Variants in B4GALT6 observed in about 807,000 individuals in gnomAD.
B4GALT6 encodes the protein beta-1,4-galactosyltransferase 6.
B4GALT6 carries 14 observed loss-of-function variants against 46.3 expected under a neutral mutation model. That is an observed-to-expected ratio of 0.30 (90% CI 0.20 to 0.47). The LOEUF is 0.47. Ranked by LOEUF, B4GALT6 falls within the 20% of genes least tolerant of loss-of-function variation. The pLI, the probability that B4GALT6 is intolerant of heterozygous loss-of-function variation, is 0.99. For missense variants in B4GALT6, 386 were observed against 480.1 expected, an observed-to-expected ratio of 0.80 and a Z score of 1.83; for synonymous variants, 168 against 162.0, an observed-to-expected ratio of 1.04 and a Z score of -0.28.
intron 4 of B4GALT6, among the ~76,000 whole-genome samples, chr18:31,642,950 CT>C (rs1431708063): frequency 6.6e-6 from 1 of 152,180 alleles, no homozygotes; most frequent in East Asian, 1.9e-4. Context: ...CATCAACTAA[CT>C]GCATTGGTAT....
chr18:31,684,610 G>T (rs1450400623), upstream of B4GALT6: 3 of 1,347,394 alleles, frequency 2.2e-6, no homozygotes, highest in Admixed American at 2.9e-5. Flanking sequence ...CGGAATGAAT[G>T]GGAGGCCAGA....
intron 4 of B4GALT6, among the ~76,000 whole-genome samples, chr18:31,641,387 G>C (rs1034177338): frequency 6.6e-6 from 1 of 152,204 alleles, no homozygotes; most frequent in South Asian, 2.1e-4. Flanking sequence ...AAATTTTAAT[G>C]AGAGGGTTAT....
At chr18:31,718,094 T>C in the B4GALT6 span, among the ~76,000 whole-genome samples, 1 of 152,220 alleles carries the variant, frequency 6.6e-6, no homozygotes, top group Non-Finnish European at 1.5e-5. Context: ...ACAGAAATCA[T>C]TAAGATAGTT....
Position 31,678,559 on chromosome 18 carries a change from T to G in B4GALT6, c.115+5753A>C, listed in dbSNP as rs192491626. Among the ~76,000 whole-genome samples the G allele has an allele frequency of 5.9e-3, 902 of 152,332 alleles. 6 individuals carry two copies. The highest frequency in any genetic ancestry group is 8.3e-3 in the Non-Finnish European group (565 of 68,024). On this transcript the variant is annotated intron_variant, in intron 1 of 8. Coordinates refer to ENST00000306851, the MANE Select transcript of B4GALT6 (RefSeq NM_004775.5). ...GAGTCAGGAATCCTAAGGTGTACAT[T>G]TCAGCTCTTCCAACAATGATGTGTG...
chr18:31,640,707 C>A (rs952319848), intron 4 of B4GALT6, among the ~76,000 whole-genome samples: 2 of 152,178 alleles, frequency 1.3e-5, no homozygotes, highest in African/African-American at 4.8e-5. Context: ...ATGAGGCTAC[C>A]CCAGCAATAC....
intron 4 of B4GALT6, among the ~76,000 whole-genome samples, chr18:31,639,928 T>C (rs1791221): frequency 0.58 from 88,587 of 152,040 alleles, 27,753 homozygotes; most frequent in African/African-American, 0.84. Flanking sequence ...GATCTCCTTA[T>C]AATTTAGATT....
chr18:31,681,423 G>A (rs1283187171), intron 1 of B4GALT6, among the ~76,000 whole-genome samples: 1 of 152,194 alleles, frequency 6.6e-6, no homozygotes, highest in African/African-American at 2.4e-5. Context: ...TGGGGCAGGT[G>A]TCTGCCATCC....
At chr18:31,702,204 T>TA in the B4GALT6 span, among the ~76,000 whole-genome samples, 30 of 152,258 alleles carry the variant, frequency 2.0e-4, no homozygotes, top group Non-Finnish European at 3.5e-4. Context: ...TACAGACCTC[T>TA]AAGTGGCACA....
rs554625604 is a variant in B4GALT6, at chr18:31,657,901, A to T, written c.346+75T>A. ...GGTGCACATGACCTGCTCCTGCTGCACTCAAATCATGTGGTTTTTATGACT... is the reference window on the plus strand; with the variant it reads ...GGTGCACATGACCTGCTCCTGCTGCTCTCAAATCATGTGGTTTTTATGACT... On this transcript the variant is annotated intron_variant, in intron 3 of 8. Coordinates refer to ENST00000306851, the MANE Select transcript of B4GALT6 (RefSeq NM_004775.5). 4 of 1,137,456 alleles carry T rather than the reference A, an allele frequency of 3.5e-6. No homozygotes were observed. The East Asian group carries it at 9.4e-5, about 27-fold the overall frequency. The allele number at this position is 1,137,456 out of a possible 1,614,324, so 70.5% of individuals were successfully genotyped here. A position where few individuals can be genotyped will look rare whatever the true frequency, so the allele number is the denominator to read the frequency against.
the B4GALT6 span, among the ~76,000 whole-genome samples, chr18:31,695,291 T>TAA: frequency 8.5e-3 from 1,231 of 144,458 alleles, 10 homozygotes; most frequent in Non-Finnish European, 0.013. Context: ...TCCCTGAAAT[T>TAA]AAAAAAAAAA....
chr18:31,710,180 T>C, the B4GALT6 span, among the ~76,000 whole-genome samples: 5 of 150,932 alleles, frequency 3.3e-5, no homozygotes, highest in Admixed American at 1.3e-4. Flanking sequence ...CTGGTAACAA[T>C]AAAACCAAGT....
At chr18:31,660,059 C>G (rs1251814024) in intron 2 of B4GALT6, among the ~76,000 whole-genome samples, 1 of 148,222 alleles carries the variant, frequency 6.7e-6, no homozygotes, top group Non-Finnish European at 1.5e-5. Flanking sequence ...CTCAAGTGAT[C>G]CTCCTAGCTC....
At chr18:31,681,350 A>G (rs1159933282) in intron 1 of B4GALT6, among the ~76,000 whole-genome samples, 1 of 152,252 alleles carries the variant, frequency 6.6e-6, no homozygotes, top group Non-Finnish European at 1.5e-5. Flanking sequence ...GAAATAATTT[A>G]TGGCTCTGGC....
chr18:31,649,845 T>C (rs1347487643), intron 3 of B4GALT6, among the ~76,000 whole-genome samples: 1 of 152,212 alleles, frequency 6.6e-6, no homozygotes, highest in African/African-American at 2.4e-5. Flanking sequence ...GGAAAGCAGT[T>C]TGGAGATTTC....
intron 4 of B4GALT6, among the ~76,000 whole-genome samples, chr18:31,644,956 T>C (rs920466247): frequency 2.0e-4 from 31 of 152,276 alleles, no homozygotes; most frequent in African/African-American, 7.2e-4. Flanking sequence ...TCCCAGTGAG[T>C]TCTCACAATT....
chr18:31,652,813 C>T (rs1393707301), intron 3 of B4GALT6, among the ~76,000 whole-genome samples: 1 of 152,182 alleles, frequency 6.6e-6, no homozygotes, highest in Non-Finnish European at 1.5e-5. Context: ...AGCCTTGGCA[C>T]TTGCCCTTGT....
intron 5 of B4GALT6, among the ~76,000 whole-genome samples, chr18:31,631,804 A>G (rs544343120): frequency 1.1e-4 from 16 of 152,312 alleles, no homozygotes; most frequent in African/African-American, 3.8e-4. Context: ...TTTTAGACAA[A>G]AAACAATTGG....
the B4GALT6 span, among the ~76,000 whole-genome samples, chr18:31,697,584 G>C: frequency 0.45 from 68,603 of 151,970 alleles, 18,128 homozygotes; most frequent in South Asian, 0.68. Context: ...TTAGTTTAGG[G>C]GGAACTATTA....
intron 3 of B4GALT6, among the ~76,000 whole-genome samples, chr18:31,645,789 CTT>C (rs778371003): frequency 1.3e-5 from 2 of 152,100 alleles, no homozygotes; most frequent in Non-Finnish European, 2.9e-5. Context: ...GTCATTATAA[CTT>C]AACACTGCAA....
Sources: gnomAD v4.1 joint callset for allele counts (sites outside exome capture counted in the v4.1 genomes callset) on GRCh38, gnomAD v4.1.1 for gene constraint, MANE v1.5 for transcripts, NCBI Gene and HGNC (gene_info 2026-07-23, HGNC 2026-07-21) for gene names.